The following SPATA18 variants were observed in gnomAD, a reference collection of about 807,000 sequenced individuals.
The protein encoded by SPATA18 is mitochondria-eating protein.
Under a neutral mutation model 68.1 loss-of-function variants are expected in SPATA18, and 54 were observed. The observed-to-expected ratio is 0.79, with a 90% CI of 0.64 to 0.99. The LOEUF (loss-of-function observed/expected upper bound fraction) is 0.99, where lower values mean the gene tolerates loss of function less well. SPATA18 is among the 50% of genes least tolerant of loss of function. SPATA18 has a pLI of 0.00. For synonymous variants in SPATA18, 242 were observed against 244.8 expected (o/e 0.99, Z 0.11); for missense variants, 724 against 681.1 (o/e 1.06, Z -0.70).
intron 5 of SPATA18, 124 bp downstream of exon 5, chr4:52,070,040 T>TTATA (rs34106590): frequency 1.7e-5 from 4 of 240,966 alleles, no homozygotes; most frequent in Non-Finnish European, 3.0e-5. Flanking sequence ...TTTTTATTAA[T>TTATA]TATATATATA....
intron 4 of SPATA18, among the ~76,000 whole-genome samples, chr4:52,064,232 A>G (rs1205933734): frequency 2.0e-5 from 3 of 151,118 alleles, no homozygotes; most frequent in Admixed American, 6.6e-5. Context: ...TGGAAGTTGC[A>G]TACATGAAGA....
At chr4:52,082,240 G>A in intron 9 of SPATA18, 147 bp from the exon 10 acceptor site, 2 of 725,936 alleles carry the variant, frequency 2.8e-6, no homozygotes, top group Non-Finnish European at 4.5e-6. Flanking sequence ...ATTCTAAGAG[G>A]CCACAAAGAT....
intron 1 of SPATA18, among the ~76,000 whole-genome samples, chr4:52,054,527 C>T (rs1738167340): frequency 6.6e-6 from 1 of 152,096 alleles, no homozygotes; most frequent in Non-Finnish European, 1.5e-5. Context: ...GGGGAACGCT[C>T]ACAAGCATAG....
intron 6 of SPATA18, among the ~76,000 whole-genome samples, chr4:52,072,868 C>G (rs1739986293): frequency 6.6e-6 from 1 of 152,174 alleles, no homozygotes; most frequent in African/African-American, 2.4e-5. Flanking sequence ...GGGTATTTCC[C>G]TTTTATATCT....
intron 11 of SPATA18, 70 bp from the exon 12 acceptor site, chr4:52,094,457 T>A (rs946802068): frequency 1.8e-5 from 28 of 1,520,544 alleles, no homozygotes; most frequent in East Asian, 9.1e-5. Flanking sequence ...GGAAAAAAAA[T>A]ATGTCAAAAG....
chr4:52,060,060 A>G (rs1560582837), intron 1 of SPATA18, among the ~76,000 whole-genome samples: 2 of 152,208 alleles, frequency 1.3e-5, no homozygotes, highest in Non-Finnish European at 2.9e-5. Flanking sequence ...TGGCTCCACC[A>G]TCCCTTATGC....
At chr4:52,073,977 A>G (rs922075721) in intron 6 of SPATA18, among the ~76,000 whole-genome samples, 19 of 152,222 alleles carry the variant, frequency 1.2e-4, no homozygotes, top group Admixed American at 7.9e-4. Context: ...TAGCAACGAT[A>G]GACTTGCACC....
At chr4:52,086,714 T>C (rs953345821) in intron 11 of SPATA18, among the ~76,000 whole-genome samples, 1 of 152,212 alleles carries the variant, frequency 6.6e-6, no homozygotes, top group Non-Finnish European at 1.5e-5. Context: ...TGAGTAGTGC[T>C]GCAATAAGCA....
At chr4:52,082,916 TG>T in intron 10 of SPATA18, 1 of 985,416 alleles carries the variant, frequency 1.0e-6, no homozygotes, top group Non-Finnish European at 1.2e-6. Context: ...TTTGGGAAAC[TG>T]CCAATGTGCC....
intron 7 of SPATA18, 196 bp from the exon 8 acceptor site, chr4:52,078,539 T>G: frequency 2.2e-6 from 1 of 446,112 alleles, no homozygotes. Flanking sequence ...TTAGTGAGCA[T>G]GGATTATTAT....
chr4:52,069,463 G>A (rs1739607468), intron 4 of SPATA18, among the ~76,000 whole-genome samples: 2 of 152,194 alleles, frequency 1.3e-5, no homozygotes, highest in Admixed American at 1.3e-4. Context: ...TGGAGATTTT[G>A]TAGAGAAAGC....
At chr4:52,078,695 C>T in intron 7 of SPATA18, 40 bp from the exon 8 acceptor site, 6 of 1,482,638 alleles carry the variant, frequency 4.0e-6, no homozygotes, top group South Asian at 1.4e-5. Flanking sequence ...CTTCACCTAC[C>T]TCTTTTCACC....
chr4:52,092,377 G>A (rs1742041416), intron 11 of SPATA18, among the ~76,000 whole-genome samples: 1 of 152,224 alleles, frequency 6.6e-6, no homozygotes, highest in Non-Finnish European at 1.5e-5. Flanking sequence ...CTGGTTTGCA[G>A]GTTGCAAAGA....
chr4:52,083,283 T>A, intron 10 of SPATA18: 1 of 985,366 alleles, frequency 1.0e-6, no homozygotes, highest in Non-Finnish European at 1.2e-6. Flanking sequence ...AGCTGGCTGA[T>A]CTCTGTTCCT....
At chr4:52,066,818 T>G (rs1457711626) in intron 4 of SPATA18, among the ~76,000 whole-genome samples, 1 of 152,220 alleles carries the variant, frequency 6.6e-6, no homozygotes, top group East Asian at 1.9e-4. Context: ...TCCATCTCCA[T>G]GCAAAGGACA....
rs1560598937 is a variant in SPATA18 at position 52,076,821 on chromosome 4, T to C, written c.801T>C (p.Arg267=). The change falls in exon 7 of 13, where the codon CGT becomes CGC. Residue 267 remains arginine, a synonymous_variant. Coordinates refer to ENST00000295213, the MANE Select transcript of SPATA18 (RefSeq NM_145263.4). ...SRSPSPAPRS[R]SCSRSRSASP... ...CTCCCAGCCCTGCCCCTCGCAGCCG[T>C]AGCTGCAGCCGCAGCAGATCTGCCA... is the stretch of plus-strand genomic sequence containing the variant. 6.2e-7 allele frequency: 1 copy of C among 1,614,110 alleles called. No individual in the cohort carries two copies. The highest frequency in any genetic ancestry group is 2.2e-5 in the East Asian group (1 of 44,870).
rs1474278532 is a variant in SPATA18 at position 52,092,054 on chromosome 4, G to A, written c.1564-2473G>A. 2.6e-5 allele frequency among the ~76,000 whole-genome samples: 4 copies of A among 152,112 alleles called. No individual in the cohort carries two copies. In the East Asian group the frequency reaches 7.7e-4, roughly 29 times the overall value. ...TCAGCAATGGTGGACACCCCTCCCC[G>A]ACCAAGCTTGACCATCCCAGATAGA... On this transcript the variant is annotated intron_variant, in intron 11 of 12. Transcript: ENST00000295213.
intron 9 of SPATA18, among the ~76,000 whole-genome samples, chr4:52,082,024 ATCC>A (rs905944743): frequency 3.3e-5 from 5 of 152,286 alleles, no homozygotes; most frequent in African/African-American, 1.2e-4. Context: ...TAAGTTAATC[ATCC>A]TCCTATATTT....
At chr4:52,083,152 G>A in intron 10 of SPATA18, 3 of 985,372 alleles carry the variant, frequency 3.0e-6, no homozygotes, top group Non-Finnish European at 3.6e-6. Context: ...TGTTGTACTG[G>A]GGATTGGGTG....
Sources: allele counts gnomAD v4.1 joint callset (sites outside exome capture counted in the v4.1 genomes callset), GRCh38; gene constraint gnomAD v4.1.1; transcripts MANE v1.5; gene names NCBI Gene and HGNC (gene_info 2026-07-23, HGNC 2026-07-21).